Variants in SETD2 observed in about 807,000 individuals in gnomAD.
SETD2 encodes histone-lysine N-methyltransferase SETD2.
SETD2 carries 31 observed loss-of-function variants against 242.1 expected under a neutral mutation model. The ratio of observed to expected loss-of-function variants is 0.13; its 90% CI spans 0.10 to 0.17. The LOEUF (loss-of-function observed/expected upper bound fraction) is 0.17, where lower values mean the gene tolerates loss of function less well. Ranked by LOEUF, SETD2 falls within the 10% of genes least tolerant of loss-of-function variation. The pLI, the probability that SETD2 is intolerant of heterozygous loss-of-function variation, is 1.00. For missense variants in SETD2, 2,481 were observed against 3,046.3 expected, an observed-to-expected ratio of 0.81 and a Z score of 4.37; for synonymous variants, 1,006 against 1,066.5, an observed-to-expected ratio of 0.94 and a Z score of 1.11.
intron 2 of SETD2, 108 bp from the exon 3 acceptor site, chr3:47,124,656 C>A (rs1559751373): frequency 4.2e-6 from 4 of 941,928 alleles, no homozygotes; most frequent in Non-Finnish European, 6.2e-6. Context: ...TTTTTAATAA[C>A]AAATAGTATG....
At chr3:47,110,629 A>T (rs2042611444) in intron 5 of SETD2, among the ~76,000 whole-genome samples, 1 of 152,090 alleles carries the variant, frequency 6.6e-6, no homozygotes, top group Non-Finnish European at 1.5e-5. Flanking sequence ...TAGCTCTGAC[A>T]ATCTGTCCTT....
intron 1 of SETD2, among the ~76,000 whole-genome samples, chr3:47,137,482 C>T (rs539676085): frequency 2.0e-5 from 3 of 152,004 alleles, no homozygotes; most frequent in Admixed American, 6.6e-5. Context: ...TGAGCCACCG[C>T]GCCCAGCCTT....
At position 47,102,620 on chromosome 3, in the gene SETD2, G is replaced by A. The variant is rs191963536; in HGVS notation, c.4917+726C>T. Among the ~76,000 whole-genome samples the A allele has an allele frequency of 7.8e-4, 118 of 152,074 alleles. 2 individuals carry two copies. The highest frequency in any genetic ancestry group is 2.7e-3 in the African/African-American group (111 of 41,498). On this transcript the variant is annotated intron_variant, in intron 7 of 20. Transcript: ENST00000409792. ...AGCCTGGCCAACATGGCAAAACCCC[G>A]TCTCTACTAAAAATACTAAAAAAAT...
chr3:47,094,558 A>ATTCTGTGATTCTGC (rs1268922497), intron 9 of SETD2, among the ~76,000 whole-genome samples: 3 of 152,240 alleles, frequency 2.0e-5, no homozygotes, highest in Admixed American at 1.3e-4. Context: ...AAACAGTTGA[A>ATTCTGTGATTCTGC]TTCTGTGATT....
At chr3:47,147,306 C>T (rs181671414) in intron 1 of SETD2, among the ~76,000 whole-genome samples, 35 of 150,584 alleles carry the variant, frequency 2.3e-4, no homozygotes, top group African/African-American at 8.1e-4. Context: ...AGCCACCAAG[C>T]CTAGCCACTG....
Position 47,113,983 on chromosome 3 carries a change from C to T in SETD2, c.4608G>A (p.Gly1536=), listed in dbSNP as rs374824848. The T allele has an allele frequency of 5.0e-6, 8 of 1,607,024 alleles. No individual in the cohort carries two copies. Among genetic ancestry groups the T allele is most frequent in the Non-Finnish European group, 6.8e-6 (8 of 1,177,086 alleles). ...MIECSSRCPN[G]DYCSNRRFQR... is the part of the protein sequence containing the mutation. ...GAAACCGTCTATTGGAACAATAATC[C>T]CCATTTGGACACCGAGAAGAACTGA... Residue 1536 remains glycine, a synonymous_variant, in exon 5 of 21, where the codon GGG becomes GGA. Coordinates refer to ENST00000409792, the MANE Select transcript of SETD2 (RefSeq NM_014159.7).
chr3:47,139,698 C>T (rs1184930086), intron 1 of SETD2, among the ~76,000 whole-genome samples: 2 of 151,968 alleles, frequency 1.3e-5, no homozygotes, highest in Non-Finnish European at 2.9e-5. Flanking sequence ...TTGCCGCATT[C>T]TCATCTAAGA....
intron 5 of SETD2, among the ~76,000 whole-genome samples, 154 bp downstream of exon 5, chr3:47,113,722 C>G (rs1174283144): frequency 1.3e-5 from 2 of 152,068 alleles, no homozygotes; most frequent in Non-Finnish European, 2.9e-5. Flanking sequence ...GCCTGTAGTT[C>G]CAGCTACTTG....
At chr3:47,057,521 GCTCC>G (rs1171250962) in intron 14 of SETD2, 31 bp from the exon 15 acceptor site, 1 of 1,554,960 alleles carries the variant, frequency 6.4e-7, no homozygotes, top group African/African-American at 1.4e-5. Context: ...ACAAAAAGTT[GCTCC>G]CTAAATCATA....
chr3:47,020,617 T>C (rs1475863642), intron 18 of SETD2, among the ~76,000 whole-genome samples: 1 of 152,138 alleles, frequency 6.6e-6, no homozygotes, highest in East Asian at 1.9e-4. Context: ...CATCTCCCCA[T>C]ACCTTTGCCC....
chr3:47,067,070 T>C lies in SETD2; in HGVS notation c.6109A>G (p.Thr2037Ala), dbSNP rs113798770. 284 of 1,606,882 alleles carry C rather than the reference T, an allele frequency of 1.8e-4. No individual in the cohort carries two copies. The African/African-American group carries it at 3.4e-3, about 19-fold the overall frequency. ...ACACAGAGTATCTCTGAATACCTAC[T>C]TGTGTTTTCCTTTTCAGTTTGACTT... is the stretch of plus-strand genomic sequence containing the variant. ...KKSQTEKENT[T>A]TERGRDAVGF... The change falls in exon 13 of 21, where the codon ACA becomes GCA. Residue 2037 changes from threonine (T) to alanine (A), a missense_variant and splice_region_variant. Physicochemically the swap from Thr to Ala is moderately conservative, Grantham distance 58. This residue lies in a region of SETD2 where 80 missense variants were observed against 102.6 expected (regional missense o/e 0.78). Coordinates refer to ENST00000409792, the MANE Select transcript of SETD2 (RefSeq NM_014159.7).
chr3:47,161,839 G>A (rs1697495558), intron 1 of SETD2, among the ~76,000 whole-genome samples: 1 of 151,100 alleles, frequency 6.6e-6, no homozygotes, highest in African/African-American at 2.4e-5. Flanking sequence ...TAAGCCCAGA[G>A]GTTCAAGGAT....
chr3:47,026,170 A>C (rs1376302965), intron 18 of SETD2, among the ~76,000 whole-genome samples: 1 of 152,272 alleles, frequency 6.6e-6, no homozygotes. Flanking sequence ...TTCTCAAAAA[A>C]AGATATTTAT....
At chr3:47,109,196 C>CA (rs932029125) in intron 5 of SETD2, among the ~76,000 whole-genome samples, 1 of 151,500 alleles carries the variant, frequency 6.6e-6, no homozygotes, top group African/African-American at 2.4e-5. Context: ...TAAGCTTCAT[C>CA]AAAAAAAGAC....
chr3:47,033,939 A>C (rs2891887), intron 18 of SETD2, among the ~76,000 whole-genome samples: 2 of 152,094 alleles, frequency 1.3e-5, no homozygotes, highest in African/African-American at 4.8e-5. Flanking sequence ...CCAAAGTGCT[A>C]GGATTACAGG....
chr3:47,122,034 C>A lies in SETD2; in HGVS notation c.2602G>T (p.Asp868Tyr). The A allele has an allele frequency of 6.2e-7, 1 of 1,613,458 alleles. No homozygotes were observed. The highest frequency in any genetic ancestry group is 8.5e-7 in the Non-Finnish European group (1 of 1,179,632). The change falls in exon 3 of 21, where the codon GAT becomes TAT. Residue 868 changes from aspartate (D) to tyrosine (Y), a missense_variant. Asp to Tyr is a radical substitution (Grantham distance 160). Coordinates refer to ENST00000409792, the MANE Select transcript of SETD2 (RefSeq NM_014159.7). ...STSSASVNHF[D>Y]DLYQPIGSSG... is the part of the protein sequence containing the mutation. ...CTCCCAATAGGTTGATATAAATCAT[C>A]AAAATGATTAACAGAAGCTGAACTA... is the stretch of plus-strand genomic sequence containing the variant.
In SETD2 at chr3:47,162,095, A is replaced by C. The variant is rs189704539; in HGVS notation, c.71+1759T>G. Among the ~76,000 whole-genome samples the C allele has an allele frequency of 1.2e-4, 18 of 152,206 alleles. No homozygotes were observed. The East Asian group carries it at 3.3e-3, about 28-fold the overall frequency. The stretch of plus-strand genomic sequence containing the variant: ...CTACCAAAGATGCACTTCTGAGTCC[A>C]TTTTCCCACATATTATGAAAAATTG... On this transcript the variant is annotated intron_variant, in intron 1 of 20. Transcript: ENST00000409792.
At chr3:47,158,846 A>G (rs887491356) in intron 1 of SETD2, among the ~76,000 whole-genome samples, 3 of 152,212 alleles carry the variant, frequency 2.0e-5, no homozygotes, top group Admixed American at 2.0e-4. Context: ...GTAGTTTGTT[A>G]TTTATATTAG....
At chr3:47,023,236 T>C (rs2038315161) in intron 18 of SETD2, among the ~76,000 whole-genome samples, 1 of 151,852 alleles carries the variant, frequency 6.6e-6, no homozygotes, top group Admixed American at 6.6e-5. Flanking sequence ...CCGTCTCTAC[T>C]AAAAAATACA....
Sources: gnomAD v4.1 joint callset for allele counts (sites outside exome capture counted in the v4.1 genomes callset) on GRCh38, gnomAD v4.1.1 for gene constraint, gnomAD v4.1.1 regional missense constraint, MANE v1.5 for transcripts, NCBI Gene and HGNC (gene_info 2026-07-23, HGNC 2026-07-21) for gene names.